Variants in MACROD2 observed in about 807,000 individuals in gnomAD.
MACROD2 encodes the protein mono-ADP ribosylhydrolase 2, also known as ADP-ribose glycohydrolase MACROD2.
Under a neutral mutation model 70.4 loss-of-function variants are expected in MACROD2, and 36 were observed. The observed-to-expected ratio is 0.51, with a 90% CI of 0.39 to 0.68. The LOEUF (loss-of-function observed/expected upper bound fraction) is 0.68, where lower values mean the gene tolerates loss of function less well. Among genes scored for constraint, MACROD2 ranks in the 30% least tolerant of loss-of-function variants. The pLI is 0.00. For synonymous variants in MACROD2, 172 were observed against 178.8 expected, an observed-to-expected ratio of 0.96 and a Z score of 0.30; for missense variants, 496 against 538.4, an observed-to-expected ratio of 0.92 and a Z score of 0.78.
At chr20:14,065,794 T>C (rs545369026) in intron 2 of MACROD2, among the ~76,000 whole-genome samples, 1 of 152,326 alleles carries the variant, frequency 6.6e-6, no homozygotes, top group Non-Finnish European at 1.5e-5. Flanking sequence ...TGCCTCCGTT[T>C]TTTACTGACT....
intron 3 of MACROD2, among the ~76,000 whole-genome samples, chr20:14,226,723 CG>C (rs1316602347): frequency 6.6e-6 from 1 of 152,236 alleles, no homozygotes; most frequent in Non-Finnish European, 1.5e-5. Flanking sequence ...GATTTCTCGC[CG>C]GGCCTTAGCT....
intron 6 of MACROD2, among the ~76,000 whole-genome samples, chr20:15,398,587 T>C (rs1048561306): frequency 1.3e-5 from 2 of 152,208 alleles, no homozygotes; most frequent in African/African-American, 4.8e-5. Flanking sequence ...AGAATAGGCT[T>C]ACCTGTAAAC....
At chr20:14,295,615 G>T (rs1445931560) in intron 3 of MACROD2, among the ~76,000 whole-genome samples, 2 of 151,790 alleles carry the variant, frequency 1.3e-5, no homozygotes, top group African/African-American at 4.9e-5. Flanking sequence ...TCTGTACCTT[G>T]CTCTTTTTAA....
intron 3 of MACROD2, among the ~76,000 whole-genome samples, chr20:14,241,003 C>T (rs2081924485): frequency 6.6e-6 from 1 of 152,088 alleles, no homozygotes; most frequent in South Asian, 2.1e-4. Context: ...GTGGCACGTG[C>T]CTGTAATCCC....
intron 3 of MACROD2, among the ~76,000 whole-genome samples, chr20:14,097,444 A>G (rs974278449): frequency 6.6e-6 from 1 of 152,222 alleles, no homozygotes; most frequent in Non-Finnish European, 1.5e-5. Flanking sequence ...AGTTTGTCAG[A>G]AAAGTGATTT....
intron 8 of MACROD2, chr20:15,619,522 G>C (rs2049094276): frequency 5.3e-6 from 2 of 375,348 alleles, no homozygotes. Context: ...GATGAGTGAG[G>C]ATTTTCTGGG....
chr20:14,561,072 T>G (rs1458658259), intron 4 of MACROD2, among the ~76,000 whole-genome samples: 1 of 151,802 alleles, frequency 6.6e-6, no homozygotes, highest in African/African-American at 2.4e-5. Flanking sequence ...ATTGTTCAGA[T>G]AGATTGACAC....
At chr20:14,818,825 G>GTTTTTTTTTTTTTT (rs754477468) in intron 5 of MACROD2, among the ~76,000 whole-genome samples, 1 of 78,376 alleles carries the variant, frequency 1.3e-5, no homozygotes, top group African/African-American at 5.4e-5. Context: ...TCTTCCTTAG[G>GTTTTTTTTTTTTTT]TTTTTTTTTT....
chr20:14,650,954 A>G (rs542314730), intron 4 of MACROD2, among the ~76,000 whole-genome samples: 41 of 152,336 alleles, frequency 2.7e-4, no homozygotes, highest in Non-Finnish European at 5.4e-4. Flanking sequence ...TGAAAATTAT[A>G]TACATAATGT....
intron 5 of MACROD2, among the ~76,000 whole-genome samples, chr20:14,695,090 G>C (rs940654970): frequency 3.9e-5 from 6 of 152,022 alleles, no homozygotes; most frequent in African/African-American, 1.4e-4. Flanking sequence ...TCCTAGGGCT[G>C]CTGTAACAAA....
intron 4 of MACROD2, among the ~76,000 whole-genome samples, chr20:14,498,417 C>A (rs184409800): frequency 1.8e-3 from 274 of 152,352 alleles, no homozygotes; most frequent in Non-Finnish European, 1.9e-3. Flanking sequence ...TGCATACATT[C>A]ATTCAGCAAA....
In MACROD2 at chr20:14,177,513, T is replaced by C. The variant is rs189770077; in HGVS notation, c.271+91785T>C. On this transcript the variant is annotated intron_variant, in intron 3 of 17. Coordinates refer to ENST00000684519, the MANE Select transcript of MACROD2 (RefSeq NM_001351661.2). ...GTATTTTTAGTAGAGACGGGGTTTCTTCTTATTGGTCAGGCTGGTCTCGAA... is the reference window on the plus strand; with the variant it reads ...GTATTTTTAGTAGAGACGGGGTTTCCTCTTATTGGTCAGGCTGGTCTCGAA... Among the ~76,000 whole-genome samples, 3 of 152,132 alleles carry C rather than the reference T, an allele frequency of 2.0e-5. No homozygotes were observed. In the East Asian group the frequency reaches 5.8e-4, roughly 29 times the overall value.
intron 8 of MACROD2, among the ~76,000 whole-genome samples, chr20:15,701,384 G>C (rs772877948): frequency 5.3e-5 from 8 of 152,190 alleles, no homozygotes; most frequent in Non-Finnish European, 8.8e-5. Flanking sequence ...TTAAAGAAAA[G>C]TTATAAGAGA....
chr20:14,203,743 G>T (rs1001174675), intron 3 of MACROD2, among the ~76,000 whole-genome samples: 1 of 152,226 alleles, frequency 6.6e-6, no homozygotes, highest in East Asian at 1.9e-4. Context: ...AGGAATGCCA[G>T]GTGGGCTGGT....
chr20:15,535,190 T>G (rs1191687104), intron 8 of MACROD2, among the ~76,000 whole-genome samples: 2 of 152,126 alleles, frequency 1.3e-5, no homozygotes, highest in African/African-American at 4.8e-5. Flanking sequence ...TTGCCCAGAT[T>G]AGTCTTGAAC....
At chr20:15,668,634 A>T (rs1420396237) in intron 8 of MACROD2, among the ~76,000 whole-genome samples, 3 of 151,598 alleles carry the variant, frequency 2.0e-5, no homozygotes, top group Admixed American at 1.3e-4. Flanking sequence ...AGAGGTTCCC[A>T]TTGTTATTTG....
chr20:15,732,708 T>C (rs1253666028), intron 8 of MACROD2, among the ~76,000 whole-genome samples: 1 of 152,150 alleles, frequency 6.6e-6, no homozygotes, highest in African/African-American at 2.4e-5. Flanking sequence ...TTGCTAATAT[T>C]TGTTTAGGAT....
At chr20:15,770,995 G>A (rs2051615159) in intron 8 of MACROD2, among the ~76,000 whole-genome samples, 1 of 152,062 alleles carries the variant, frequency 6.6e-6, no homozygotes, top group African/African-American at 2.4e-5. Context: ...GGGTAGGAGG[G>A]ATTTGGAAAA....
chr20:14,666,867 T>C (rs1240725795), intron 4 of MACROD2, among the ~76,000 whole-genome samples: 1 of 151,906 alleles, frequency 6.6e-6, no homozygotes, highest in African/African-American at 2.4e-5. Flanking sequence ...CAGAGCTTTT[T>C]ATCGCATTAT....
Sources: allele counts gnomAD v4.1 joint callset (sites outside exome capture counted in the v4.1 genomes callset), GRCh38; gene constraint gnomAD v4.1.1; transcripts MANE v1.5; gene names NCBI Gene and HGNC (gene_info 2026-07-23, HGNC 2026-07-21).